The following IMMP2L variants were observed in gnomAD, a reference collection of about 807,000 sequenced individuals.
The protein encoded by IMMP2L is inner mitochondrial membrane peptidase subunit 2, also known as mitochondrial inner membrane protease subunit 2.
IMMP2L carries 18 observed loss-of-function variants against 19.3 expected under a neutral mutation model. The ratio of observed to expected loss-of-function variants is 0.93; its 90% CI spans 0.64 to 1.38. IMMP2L has a LOEUF of 1.38. Among genes scored for constraint, IMMP2L ranks in the 40% most tolerant of loss-of-function variants. The pLI is 0.00. For synonymous variants in IMMP2L, 76 were observed against 73.0 expected (o/e 1.04, Z -0.21); for missense variants, 233 against 218.2 (o/e 1.07, Z -0.43).
At chr7:111,099,449 A>G (rs905562320) in intron 3 of IMMP2L, among the ~76,000 whole-genome samples, 13 of 151,742 alleles carry the variant, frequency 8.6e-5, no homozygotes, top group African/African-American at 2.9e-4. Context: ...TTGCTTTTCA[A>G]ACTGAGGATG....
intron 3 of IMMP2L, among the ~76,000 whole-genome samples, chr7:111,467,993 T>C (rs905978253): frequency 6.6e-6 from 1 of 152,162 alleles, no homozygotes; most frequent in African/African-American, 2.4e-5. Flanking sequence ...ACATCTCATC[T>C]CATCTCAAAT....
chr7:111,103,672 G>C (rs1044091826), intron 3 of IMMP2L, among the ~76,000 whole-genome samples: 1 of 151,708 alleles, frequency 6.6e-6, no homozygotes, highest in African/African-American at 2.4e-5. Flanking sequence ...TTATCCGTAT[G>C]ATGACTTCTT....
chr7:111,030,833 T>C (rs1188361936), intron 3 of IMMP2L, among the ~76,000 whole-genome samples: 4 of 150,408 alleles, frequency 2.7e-5, no homozygotes, highest in Non-Finnish European at 5.9e-5. Context: ...TGTGTCTGTG[T>C]ATATATGTAT....
intron 1 of IMMP2L, among the ~76,000 whole-genome samples, chr7:111,558,892 T>C (rs1791686535): frequency 6.6e-6 from 1 of 152,304 alleles, no homozygotes; most frequent in Non-Finnish European, 1.5e-5. Flanking sequence ...TGGAATACAA[T>C]GGGTTCTTAA....
At chr7:111,073,268 T>TG (rs994223055) in intron 3 of IMMP2L, among the ~76,000 whole-genome samples, 1 of 151,988 alleles carries the variant, frequency 6.6e-6, no homozygotes, top group African/African-American at 2.4e-5. Flanking sequence ...ATGTGTGTGG[T>TG]GGGGGAGACA....
At chr7:110,969,709 C>A (rs1819938981) in intron 3 of IMMP2L, among the ~76,000 whole-genome samples, 1 of 152,124 alleles carries the variant, frequency 6.6e-6, no homozygotes, top group East Asian at 1.9e-4. Flanking sequence ...ATGTGACTTA[C>A]ACAGTCTCAT....
chr7:111,018,493 G>C (rs1030529135), intron 3 of IMMP2L, among the ~76,000 whole-genome samples: 1 of 152,124 alleles, frequency 6.6e-6, no homozygotes, highest in African/African-American at 2.4e-5. Context: ...ACTCTCGGCT[G>C]TTCTGTGGTT....
intron 5 of IMMP2L, among the ~76,000 whole-genome samples, chr7:110,690,378 C>T (rs1793406359): frequency 6.6e-6 from 1 of 152,132 alleles, no homozygotes; most frequent in South Asian, 2.1e-4. Flanking sequence ...ATGGAACCTC[C>T]ACATTTCCTT....
intron 3 of IMMP2L, among the ~76,000 whole-genome samples, chr7:111,356,982 T>C (rs1048299328): frequency 2.0e-5 from 3 of 152,010 alleles, no homozygotes; most frequent in Admixed American, 6.6e-5. Flanking sequence ...GATGGTGCCA[T>C]TGCACTCCAG....
At chr7:111,289,936 C>A (rs1820907302) in intron 3 of IMMP2L, among the ~76,000 whole-genome samples, 1 of 152,016 alleles carries the variant, frequency 6.6e-6, no homozygotes, top group Admixed American at 6.6e-5. Context: ...GATTAATGAA[C>A]ATAAAACCTA....
chr7:110,977,259 G>C (rs1222415689), intron 3 of IMMP2L, among the ~76,000 whole-genome samples: 4 of 151,812 alleles, frequency 2.6e-5, no homozygotes, highest in Admixed American at 2.6e-4. Flanking sequence ...TAGGGTTCAG[G>C]CCCAAATACT....
At chr7:110,674,334 T>C (rs1342226489) in intron 5 of IMMP2L, among the ~76,000 whole-genome samples, 1 of 152,118 alleles carries the variant, frequency 6.6e-6, no homozygotes, top group Non-Finnish European at 1.5e-5. Context: ...CACATGGGGA[T>C]TATGGGAACT....
chr7:110,742,015 A>C (rs1014690393), intron 5 of IMMP2L, among the ~76,000 whole-genome samples: 3 of 152,212 alleles, frequency 2.0e-5, no homozygotes, highest in African/African-American at 7.2e-5. Flanking sequence ...ATGTCCACTT[A>C]GGTTACTACT....
intron 5 of IMMP2L, among the ~76,000 whole-genome samples, chr7:110,884,866 AAAG>A (rs1810051578): frequency 6.6e-6 from 1 of 152,062 alleles, no homozygotes; most frequent in Non-Finnish European, 1.5e-5. Flanking sequence ...ACTAGAAAAA[AAAG>A]AAGTAGGAGT....
chr7:111,375,062 C>T (rs1221070865), intron 3 of IMMP2L, among the ~76,000 whole-genome samples: 1 of 152,010 alleles, frequency 6.6e-6, no homozygotes, highest in Non-Finnish European at 1.5e-5. Context: ...TTGTCTCCCA[C>T]TATTTAGGAG....
chr7:110,770,594 C>T (rs987725582), intron 5 of IMMP2L, among the ~76,000 whole-genome samples: 2 of 152,048 alleles, frequency 1.3e-5, no homozygotes, highest in Non-Finnish European at 2.9e-5. Context: ...GTTGATGTTC[C>T]TGAAGTTATT....
intron 3 of IMMP2L, among the ~76,000 whole-genome samples, chr7:111,324,273 A>G (rs1403567904): frequency 6.6e-6 from 1 of 151,950 alleles, no homozygotes; most frequent in Non-Finnish European, 1.5e-5. Context: ...CAAAGAAGAA[A>G]TAGTCATCAA....
At chr7:111,328,498 A>G (rs1825553445) in intron 3 of IMMP2L, among the ~76,000 whole-genome samples, 1 of 151,884 alleles carries the variant, frequency 6.6e-6, no homozygotes, top group Admixed American at 6.6e-5. Flanking sequence ...AAAGCATTAC[A>G]AAGTTTGAAG....
rs953358304 is a variant in IMMP2L, at chr7:110,778,472, T to C, written c.408+108121A>G. ...TTTACTTCTGTTGTAAGTTAGTGAA[T>C]GATTTTATTCTCATTGCTGTAGCAT... On this transcript the variant is annotated intron_variant, in intron 5 of 5. Transcript: ENST00000405709. Among the ~76,000 whole-genome samples the C allele has an allele frequency of 4.6e-5, 7 of 152,114 alleles. No homozygotes were observed. In the East Asian group the frequency reaches 9.7e-4, roughly 21 times the overall value.
Sources: gnomAD v4.1 joint callset for allele counts (sites outside exome capture counted in the v4.1 genomes callset) on GRCh38, gnomAD v4.1.1 for gene constraint, MANE v1.5 for transcripts, NCBI Gene and HGNC (gene_info 2026-07-23, HGNC 2026-07-21) for gene names.